Variants in RASA2 observed in about 807,000 individuals in gnomAD.
RASA2 encodes RAS p21 protein activator 2.
A neutral mutation model predicts 118.2 loss-of-function variants in RASA2; 155 were observed. That is an observed-to-expected ratio of 1.31 (90% CI 1.15 to 1.50). The LOEUF is 1.50. Among genes scored for constraint, RASA2 ranks in the 40% most tolerant of loss-of-function variants. RASA2 has a pLI of 0.00. For missense variants in RASA2, 1,016 were observed against 1,009.6 expected (o/e 1.01, Z -0.09); for synonymous variants, 353 against 349.1 (o/e 1.01, Z -0.12).
At chr3:141,502,036 GATT>G (rs1559991241) in intron 1 of RASA2, among the ~76,000 whole-genome samples, 2 of 152,180 alleles carry the variant, frequency 1.3e-5, no homozygotes, top group Admixed American at 6.5e-5. Flanking sequence ...GCACCAACAT[GATT>G]CTCAAAGGAA....
At chr3:141,498,689 T>C (rs1279193415) in intron 1 of RASA2, among the ~76,000 whole-genome samples, 2 of 152,250 alleles carry the variant, frequency 1.3e-5, no homozygotes, top group African/African-American at 4.8e-5. Context: ...GAATCCTATT[T>C]TGGCCCCCTG....
chr3:141,574,198 TA>T, intron 14 of RASA2, 131 bp downstream of exon 14: 28 of 599,520 alleles, frequency 4.7e-5, no homozygotes, highest in Non-Finnish European at 5.7e-5. Flanking sequence ...TATTTTATTT[TA>T]TTTTTTTTGA....
In RASA2 at chr3:141,609,472, A is replaced by G; in HGVS notation, c.2278A>G (p.Arg760Gly). The G allele has an allele frequency of 6.2e-7, 1 of 1,606,362 alleles. No homozygotes were observed. ...TATTGATGAAGACAGAGAAACAGAA[A>G]GAATTTATTCCCTTTTTACCCTCAG... ...IDIDEDRETE[R>G]IYSLFTLSLL... The change falls in exon 22 of 24, where the codon AGA becomes GGA. Residue 760 changes from arginine (R) to glycine (G), a missense_variant. By Grantham distance (125) the Arg-to-Gly change is moderately radical (BLOSUM62 -2). Around this residue, in one of 2 missense-constraint regions of RASA2, gnomAD observed 120 missense variants for 173.2 expected, o/e 0.69. Transcript: ENST00000286364.
At chr3:141,549,492 T>TGC (rs1373713636) in intron 5 of RASA2, among the ~76,000 whole-genome samples, 2 of 151,198 alleles carry the variant, frequency 1.3e-5, no homozygotes, top group African/African-American at 4.9e-5. Context: ...TGCGTGTGTG[T>TGC]GTGTGTGTGT....
At chr3:141,511,687 A>G (rs754406166) in intron 1 of RASA2, among the ~76,000 whole-genome samples, 1 of 152,116 alleles carries the variant, frequency 6.6e-6, no homozygotes, top group African/African-American at 2.4e-5. Context: ...AATGAATGGA[A>G]GGTAAGAAGA....
intron 15 of RASA2, among the ~76,000 whole-genome samples, chr3:141,579,663 T>C (rs989073105): frequency 3.3e-5 from 5 of 152,100 alleles, no homozygotes; most frequent in Non-Finnish European, 7.4e-5. Context: ...AGTTATAAGG[T>C]AGTAAAGTAG....
At chr3:141,606,113 G>GC (rs2083544571) in intron 19 of RASA2, among the ~76,000 whole-genome samples, 1 of 152,082 alleles carries the variant, frequency 6.6e-6, no homozygotes, top group Admixed American at 6.6e-5. Flanking sequence ...ATGTCTGAGT[G>GC]CCCCCAACCT....
chr3:141,582,091 A>T (rs1487115254), intron 17 of RASA2, among the ~76,000 whole-genome samples: 1 of 152,208 alleles, frequency 6.6e-6, no homozygotes. Context: ...AATGAATCCA[A>T]ATTAGCAAAG....
chr3:141,503,055 G>A (rs2081807962), intron 1 of RASA2, among the ~76,000 whole-genome samples: 1 of 152,156 alleles, frequency 6.6e-6, no homozygotes, highest in Non-Finnish European at 1.5e-5. Context: ...AAAGGGAATA[G>A]TAATGCTTAT....
intron 20 of RASA2, 43 bp from the exon 21 acceptor site, chr3:141,608,446 T>C (rs1577834006): frequency 6.3e-7 from 1 of 1,582,256 alleles, no homozygotes; most frequent in Non-Finnish European, 8.7e-7. Flanking sequence ...GTGTTGGTTT[T>C]TGGACTCTTG....
At chr3:141,562,656 A>C (rs112201473) in intron 9 of RASA2, among the ~76,000 whole-genome samples, 3,508 of 149,976 alleles carry the variant, frequency 0.023, 139 homozygotes, top group African/African-American at 0.079. Flanking sequence ...ACAACACACA[A>C]AAAAAAACCA....
chr3:141,608,728 T>C (rs1177863847), intron 21 of RASA2, 31 bp downstream of exon 21: 6 of 1,574,688 alleles, frequency 3.8e-6, no homozygotes, highest in Admixed American at 1.7e-5. Flanking sequence ...AAAAGCAGTG[T>C]GTCAAAATTT....
At chr3:141,489,109 T>G (rs576858858) in intron 1 of RASA2, among the ~76,000 whole-genome samples, 1 of 152,376 alleles carries the variant, frequency 6.6e-6, no homozygotes, top group African/African-American at 2.4e-5. Flanking sequence ...ATCATCCAGC[T>G]GCTGGGAATG....
At chr3:141,520,099 C>T (rs1577674919) in intron 3 of RASA2, among the ~76,000 whole-genome samples, 2 of 150,034 alleles carry the variant, frequency 1.3e-5, no homozygotes, top group East Asian at 3.9e-4. Flanking sequence ...CTGCAACCTC[C>T]ACCTCCTGGG....
chr3:141,487,466 G>T (rs1242848000), intron 1 of RASA2, among the ~76,000 whole-genome samples: 2 of 151,826 alleles, frequency 1.3e-5, no homozygotes, highest in African/African-American at 2.4e-5. Flanking sequence ...GGGTGGGAGA[G>T]CCCGGGCTGC....
intron 4 of RASA2, among the ~76,000 whole-genome samples, chr3:141,537,115 T>C (rs922278379): frequency 2.6e-5 from 4 of 152,338 alleles, no homozygotes; most frequent in East Asian, 3.8e-4. Context: ...CTAGGAGTTC[T>C]TGAATCTGTG....
rs979329080 is a variant in RASA2 at position 141,610,172 on chromosome 3, C to T, written c.2519+106C>T. ...TGCTCACCCACATCTGTCAACATCCCGCTCAGGGCCATTCTCTGGTGCAAG... is the reference window on the plus strand; with the variant it reads ...TGCTCACCCACATCTGTCAACATCCTGCTCAGGGCCATTCTCTGGTGCAAG... On this transcript the variant is annotated intron_variant, in intron 23 of 23. Coordinates refer to ENST00000286364, the MANE Select transcript of RASA2 (RefSeq NM_006506.5). The T allele has an allele frequency of 1.2e-4, 112 of 931,236 alleles. 1 individual carries two copies. The highest frequency in any genetic ancestry group is 3.6e-4 in the Middle Eastern group (1 of 2,812). 57.7% of individuals were successfully genotyped at this position (931,236 alleles called of 1,614,324 possible).
In RASA2 at chr3:141,572,724, G is replaced by A. The variant is rs1346073003; in HGVS notation, c.1284+1G>A. On this transcript the variant is annotated splice_donor_variant, in intron 12 of 23. Transcript: ENST00000286364. LOFTEE classifies it high-confidence loss of function. ...AACATTAAAACCTATTCTTGATGAG[G>A]TACAGAATATATCTCCAACAATGAT... is the stretch of plus-strand genomic sequence containing the variant. 6.4e-7 allele frequency: 1 copy of A among 1,570,594 alleles called. No homozygotes were observed. Among genetic ancestry groups the A allele is most frequent in the Admixed American group, 1.7e-5 (1 of 58,772 alleles).
Position 141,487,200 on chromosome 3 carries a change from C to A in RASA2, c.117C>A (p.Ser39Arg). 3 of 1,446,218 alleles carry A rather than the reference C, an allele frequency of 2.1e-6. No individual in the cohort carries two copies. Among genetic ancestry groups the A allele is most frequent in the Admixed American group, 2.3e-5 (1 of 44,304 alleles). 89.6% of individuals were successfully genotyped at this position (1,446,218 alleles called of 1,614,324 possible). Residue 39 changes from serine to arginine, a missense_variant, in exon 1 of 24, where the codon AGC (serine) becomes AGA (arginine). Ser to Arg is a moderately radical substitution (Grantham distance 110, BLOSUM62 -1). This residue lies in a region of RASA2 where 896 missense variants were observed against 836.4 expected (regional missense o/e 1.07). Coordinates refer to ENST00000286364, the MANE Select transcript of RASA2 (RefSeq NM_006506.5). Reference sequence around the variant, plus strand: ...GTCGCGAGGTTCGAGTGTTGCAGAGCCTGCGGGGCAAGATCTGTAAGCGGG... The same window carrying A: ...GTCGCGAGGTTCGAGTGTTGCAGAGACTGCGGGGCAAGATCTGTAAGCGGG... ...QDSREVRVLQSLRGKICEAKN... is the reference protein window; with the variant it reads ...QDSREVRVLQRLRGKICEAKN...
Sources: allele counts gnomAD v4.1 joint callset (sites outside exome capture counted in the v4.1 genomes callset), GRCh38; gene constraint gnomAD v4.1.1; regional missense constraint gnomAD v4.1.1; transcripts MANE v1.5; gene names NCBI Gene and HGNC (gene_info 2026-07-23, HGNC 2026-07-21).